The following KCNK1 variants were observed in gnomAD, a reference collection of about 807,000 sequenced individuals.
KCNK1 encodes potassium two pore domain channel subfamily K member 1.
In KCNK1, 10 loss-of-function variants were observed where a neutral mutation model predicts 22.2. That is an observed-to-expected ratio of 0.45 (90% CI 0.28 to 0.76). The LOEUF (loss-of-function observed/expected upper bound fraction) is 0.76. Among genes scored for constraint, KCNK1 ranks in the 30% least tolerant of loss-of-function variants. The pLI is 0.14. For synonymous variants in KCNK1, 200 were observed against 186.4 expected (o/e 1.07, Z -0.60); for missense variants, 378 against 421.0 (o/e 0.90, Z 0.89).
intron 1 of KCNK1, among the ~76,000 whole-genome samples, chr1:233,654,193 C>T (rs1658248787): frequency 6.6e-6 from 1 of 151,372 alleles, no homozygotes; most frequent in South Asian, 2.1e-4. Flanking sequence ...GAGAAAAAGC[C>T]ATCGGGGTGG....
At chr1:233,644,363 A>C (rs1658053519) in intron 1 of KCNK1, among the ~76,000 whole-genome samples, 1 of 152,208 alleles carries the variant, frequency 6.6e-6, no homozygotes, top group Admixed American at 6.5e-5. Context: ...TATATTCAAC[A>C]AATATTCGTT....
rs139070804 is a variant in KCNK1 at position 233,618,539 on chromosome 1, C to T, written c.355+4013C>T. Among the ~76,000 whole-genome samples, 127 of 152,306 alleles carry T rather than the reference C, an allele frequency of 8.3e-4. 2 individuals carry two copies. In the East Asian group the frequency reaches 0.024, roughly 28 times the overall value. On this transcript the variant is annotated intron_variant, in intron 1 of 2. Coordinates refer to ENST00000366621, the MANE Select transcript of KCNK1 (RefSeq NM_002245.4). ...GATGTTGATTTACTAAAGTTTACTT[C>T]TTTATTCATTCCCCAAAGCAAGGCC...
At chr1:233,636,013 G>A (rs1657890335) in intron 1 of KCNK1, among the ~76,000 whole-genome samples, 1 of 152,306 alleles carries the variant, frequency 6.6e-6, no homozygotes, top group South Asian at 2.1e-4. Context: ...TTCAGGCCAT[G>A]CGGGCAGCCA....
intron 1 of KCNK1, among the ~76,000 whole-genome samples, chr1:233,619,972 A>C: frequency 6.6e-6 from 1 of 152,032 alleles, no homozygotes. Flanking sequence ...AAGTGGGCGA[A>C]CTAGGGCCCC....
intron 1 of KCNK1, among the ~76,000 whole-genome samples, chr1:233,636,061 G>A (rs1006128137): frequency 1.3e-5 from 2 of 152,170 alleles, no homozygotes; most frequent in Admixed American, 6.5e-5. Context: ...ACCTAGTATC[G>A]AGCTAAGAGG....
intron 2 of KCNK1, among the ~76,000 whole-genome samples, chr1:233,667,957 T>G (rs1274503173): frequency 6.6e-6 from 1 of 152,204 alleles, no homozygotes; most frequent in African/African-American, 2.4e-5. Flanking sequence ...TCGCCTCTAT[T>G]AACTGTTTCC....
chr1:233,620,356 C>T (rs1044655172), intron 1 of KCNK1, among the ~76,000 whole-genome samples: 1 of 152,182 alleles, frequency 6.6e-6, no homozygotes, highest in Admixed American at 6.5e-5. Context: ...TTCTGGGAAA[C>T]TTTGTGTAAG....
intron 1 of KCNK1, among the ~76,000 whole-genome samples, chr1:233,623,114 T>C (rs776308804): frequency 4.0e-5 from 6 of 151,804 alleles, no homozygotes; most frequent in Non-Finnish European, 7.4e-5. Flanking sequence ...ATGTGGAAGC[T>C]AAAAAAAGTT....
intron 1 of KCNK1, among the ~76,000 whole-genome samples, chr1:233,633,281 C>CA (rs1183050872): frequency 8.7e-5 from 13 of 150,286 alleles, no homozygotes; most frequent in African/African-American, 1.7e-4. Context: ...AACAAACAAA[C>CA]AAAAAAAACC....
chr1:233,623,328 A>C (rs1371451981), intron 1 of KCNK1, among the ~76,000 whole-genome samples: 2 of 152,212 alleles, frequency 1.3e-5, no homozygotes, highest in African/African-American at 4.8e-5. Flanking sequence ...CAGGATACAA[A>C]ATTACAGCTA....
chr1:233,630,297 A>G (rs1657769142), intron 1 of KCNK1, among the ~76,000 whole-genome samples: 2 of 152,226 alleles, frequency 1.3e-5, no homozygotes, highest in South Asian at 4.1e-4. Flanking sequence ...GTCAGAGCAA[A>G]ACCCCAACTT....
intron 1 of KCNK1, among the ~76,000 whole-genome samples, chr1:233,649,785 AG>A (rs1658166630): frequency 6.6e-6 from 1 of 152,242 alleles, no homozygotes; most frequent in Admixed American, 6.5e-5. Context: ...ATTGGGGATT[AG>A]GCTTTAACAT....
At chr1:233,614,815 G>A (rs1049589716) in intron 1 of KCNK1, among the ~76,000 whole-genome samples, 1 of 152,196 alleles carries the variant, frequency 6.6e-6, no homozygotes, top group Admixed American at 6.5e-5. Flanking sequence ...TAACTCTGGG[G>A]AAGTGGTCCC....
intron 1 of KCNK1, among the ~76,000 whole-genome samples, chr1:233,638,396 T>C (rs1657940649): frequency 6.7e-6 from 1 of 149,892 alleles, no homozygotes; most frequent in Non-Finnish European, 1.5e-5. Flanking sequence ...CTCTTGTTTT[T>C]TGATGACCAA....
At position 233,614,379 on chromosome 1, in the gene KCNK1, C is replaced by T. The variant is rs201302042; in HGVS notation, c.208C>T (p.Leu70=). 65 of 1,611,232 alleles carry T rather than the reference C, an allele frequency of 4.0e-5. No individual in the cohort carries two copies. The East Asian group carries it at 1.4e-3, about 34-fold the overall frequency. ...ACGCTTCTTGGAGGAGCACGAGTGC[C>T]TGTCTGAGCAGCAGCTGGAGCAGTT... is the stretch of plus-strand genomic sequence containing the variant. The part of the protein sequence containing the change: ...KRRFLEEHEC[L]SEQQLEQFLG... The change falls in exon 1 of 3, where the codon CTG becomes TTG. Residue 70 remains leucine (L), a synonymous_variant. Transcript: ENST00000366621.
intron 1 of KCNK1, among the ~76,000 whole-genome samples, chr1:233,642,644 G>A (rs1464917068): frequency 6.6e-6 from 1 of 152,210 alleles, no homozygotes; most frequent in African/African-American, 2.4e-5. Flanking sequence ...CCTTTAGCCT[G>A]TGGCCATGGG....
chr1:233,664,336 A>G lies in KCNK1; in HGVS notation c.356-2259A>G, dbSNP rs192400863. ...TTTTTTTCTCAAAATGAAACATTCA[A>G]AGGCTCCTGCTTCCATATGTAGCAT... is the stretch of plus-strand genomic sequence containing the variant. On this transcript the variant is annotated intron_variant, in intron 1 of 2. Coordinates refer to ENST00000366621, the MANE Select transcript of KCNK1 (RefSeq NM_002245.4). Among the ~76,000 whole-genome samples the G allele has an allele frequency of 8.0e-4, 122 of 152,140 alleles. 2 individuals are homozygous for G. The highest frequency in any genetic ancestry group is 6.2e-4 in the South Asian group (3 of 4,804).
intron 1 of KCNK1, among the ~76,000 whole-genome samples, chr1:233,637,819 G>GTTC (rs1175362664): frequency 6.6e-6 from 1 of 152,044 alleles, no homozygotes; most frequent in Admixed American, 6.5e-5. Context: ...GTTTTAAATG[G>GTTC]TTCTATTCAC....
At chr1:233,659,597 T>A (rs1401981609) in intron 1 of KCNK1, among the ~76,000 whole-genome samples, 5 of 151,882 alleles carry the variant, frequency 3.3e-5, no homozygotes, top group Non-Finnish European at 5.9e-5. Flanking sequence ...TCGTATGTGC[T>A]ATACTTTTAT....
Sources: allele counts gnomAD v4.1 joint callset (sites outside exome capture counted in the v4.1 genomes callset), GRCh38; gene constraint gnomAD v4.1.1; transcripts MANE v1.5; gene names NCBI Gene and HGNC (gene_info 2026-07-23, HGNC 2026-07-21).